The following AGPAT5 variants were observed in gnomAD, a reference collection of about 807,000 sequenced individuals.
AGPAT5 encodes the protein 1-acyl-sn-glycerol-3-phosphate acyltransferase epsilon.
In AGPAT5, 46 loss-of-function variants were observed where a neutral mutation model predicts 45.6. The ratio of observed to expected loss-of-function variants is 1.01; its 90% CI spans 0.80 to 1.29. AGPAT5 has a LOEUF of 1.29. Among genes scored for constraint, AGPAT5 ranks in the 50% most tolerant of loss-of-function variants. The pLI, the probability that AGPAT5 is intolerant of heterozygous loss-of-function variation, is 0.00. For missense variants in AGPAT5, 673 were observed against 450.7 expected (o/e 1.49, Z -4.47); for synonymous variants, 272 against 167.0 (o/e 1.63, Z -4.85).
chr8:6,711,530 G>A (rs1215792305), intron 1 of AGPAT5, among the ~76,000 whole-genome samples: 1 of 152,122 alleles, frequency 6.6e-6, no homozygotes, highest in Admixed American at 6.5e-5. Flanking sequence ...CACGTAATTT[G>A]AGACTATTGA....
chr8:6,723,210 C>G (rs1373339974), intron 1 of AGPAT5, among the ~76,000 whole-genome samples: 1 of 152,156 alleles, frequency 6.6e-6, no homozygotes, highest in Non-Finnish European at 1.5e-5. Context: ...CAGCTTGGTG[C>G]TAGGCTCTTG....
At position 6,747,817 on chromosome 8, in the gene AGPAT5, C is replaced by T. The variant is rs138431163; in HGVS notation, c.734C>T (p.Pro245Leu). 17 of 1,613,768 alleles carry T rather than the reference C, an allele frequency of 1.1e-5. No homozygotes were observed. Among genetic ancestry groups the T allele is most frequent in the African/African-American group, 8.0e-5 (6 of 74,894 alleles). ...KDDGGQRRES[P>L]TMTEFLCKEC... ...GATGGAGGGCAGCGAAGAGAGTCAC[C>T]GACCATGACGGGTAAGTGTGTTCAC... Residue 245 changes from proline (P) to leucine (L), a missense_variant, in exon 6 of 8, where the codon CCG becomes CTG. Physicochemically the swap from Pro to Leu is moderately conservative, Grantham distance 98. Coordinates refer to ENST00000285518, the MANE Select transcript of AGPAT5 (RefSeq NM_018361.5).
intron 6 of AGPAT5, among the ~76,000 whole-genome samples, chr8:6,751,467 A>T (rs906668732): frequency 3.9e-5 from 6 of 152,202 alleles, no homozygotes; most frequent in African/African-American, 1.4e-4. Flanking sequence ...GAGAGCTGGG[A>T]AGCTGTAGAA....
At chr8:6,727,180 G>T (rs993757796) in intron 2 of AGPAT5, among the ~76,000 whole-genome samples, 1 of 152,164 alleles carries the variant, frequency 6.6e-6, no homozygotes, top group East Asian at 1.9e-4. Flanking sequence ...TGCCAGGCTT[G>T]CCGGAATAAA....
intron 5 of AGPAT5, chr8:6,745,712 T>C (rs1397062370): frequency 1.3e-5 from 2 of 151,994 alleles, no homozygotes; most frequent in Non-Finnish European, 2.9e-5. Flanking sequence ...TTATTATTTT[T>C]ACCTTTTTTT....
intron 1 of AGPAT5, 121 bp downstream of exon 1, chr8:6,709,008 GC>G (rs1800041265): frequency 1.1e-6 from 1 of 935,404 alleles, no homozygotes; most frequent in Admixed American, 2.0e-5. Flanking sequence ...AGCACGGAGA[GC>G]ACGTGCCGCC....
At chr8:6,742,806 A>G (rs1769786760) in intron 5 of AGPAT5, among the ~76,000 whole-genome samples, 1 of 152,214 alleles carries the variant, frequency 6.6e-6, no homozygotes, top group Non-Finnish European at 1.5e-5. Flanking sequence ...TTTTAAACAC[A>G]TGTCCTATTA....
intron 5 of AGPAT5, among the ~76,000 whole-genome samples, chr8:6,746,719 C>G (rs956205949): frequency 2.6e-5 from 4 of 152,186 alleles, no homozygotes; most frequent in African/African-American, 9.7e-5. Context: ...GTGGGACAGT[C>G]CCACCATGTA....
At chr8:6,717,164 A>C (rs1053545483) in intron 1 of AGPAT5, among the ~76,000 whole-genome samples, 1 of 152,188 alleles carries the variant, frequency 6.6e-6, no homozygotes, top group Non-Finnish European at 1.5e-5. Flanking sequence ...CAAAACCAGT[A>C]CTTTTTGTAA....
At chr8:6,724,248 T>A (rs1800606486) in intron 1 of AGPAT5, among the ~76,000 whole-genome samples, 1 of 152,176 alleles carries the variant, frequency 6.6e-6, no homozygotes, top group African/African-American at 2.4e-5. Context: ...ACCCTTCTGG[T>A]CTCCTTGCTC....
chr8:6,721,341 G>A (rs964255053), intron 1 of AGPAT5, among the ~76,000 whole-genome samples: 1 of 152,186 alleles, frequency 6.6e-6, no homozygotes, highest in Non-Finnish European at 1.5e-5. Flanking sequence ...GTACTTCTGT[G>A]TAATCAAAGA....
At chr8:6,721,237 T>G (rs1247162078) in intron 1 of AGPAT5, among the ~76,000 whole-genome samples, 1 of 152,226 alleles carries the variant, frequency 6.6e-6, no homozygotes, top group African/African-American at 2.4e-5. Flanking sequence ...GGTAATATAT[T>G]TCGTTGGCAT....
chr8:6,718,082 T>C (rs1800389758), intron 1 of AGPAT5, among the ~76,000 whole-genome samples: 1 of 152,202 alleles, frequency 6.6e-6, no homozygotes, highest in Non-Finnish European at 1.5e-5. Flanking sequence ...AATGAGATAA[T>C]ACGTGAAACT....
intron 1 of AGPAT5, among the ~76,000 whole-genome samples, chr8:6,715,690 G>A (rs1014949030): frequency 7.9e-5 from 12 of 152,106 alleles, no homozygotes; most frequent in African/African-American, 2.9e-4. Flanking sequence ...TACTTTCAAG[G>A]TATTCATCTA....
chr8:6,756,229 C>A (rs565605946), intron 7 of AGPAT5, among the ~76,000 whole-genome samples: 1 of 152,028 alleles, frequency 6.6e-6, no homozygotes, highest in Non-Finnish European at 1.5e-5. Flanking sequence ...CTTTCTAATT[C>A]TGTGGGAATA....
chr8:6,720,818 G>T (rs954603015), intron 1 of AGPAT5, among the ~76,000 whole-genome samples: 3 of 152,218 alleles, frequency 2.0e-5, no homozygotes, highest in Admixed American at 6.5e-5. Flanking sequence ...GGAGTTGGAA[G>T]AACCAGCGTT....
chr8:6,747,603 G>A (rs1801516021), intron 5 of AGPAT5, 67 bp from the exon 6 acceptor site: 4 of 1,371,966 alleles, frequency 2.9e-6, no homozygotes, highest in Non-Finnish European at 4.0e-6. Context: ...AAATAATTTA[G>A]ATGTTAAACA....
rs1801987822 is a variant in AGPAT5 at position 6,760,242 on chromosome 8, A to T, written c.*2854A>T. Among the ~76,000 whole-genome samples the T allele has an allele frequency of 6.6e-6, 1 of 152,118 alleles. No individual in the cohort carries two copies. The highest frequency in any genetic ancestry group is 1.5e-5 in the Non-Finnish European group (1 of 68,032). The stretch of plus-strand genomic sequence containing the variant: ...ACCTGTCTACAAAAAAATTAAAAAA[A>T]ATTAGCCAGGCATGGTGGCGTACAC... On this transcript the variant is annotated 3_prime_UTR_variant, in exon 8 of 8. Transcript: ENST00000285518.
At position 6,757,550 on chromosome 8, in the gene AGPAT5, T is replaced by C; in HGVS notation, c.*162T>C. 4.8e-6 allele frequency: 3 copies of C among 625,062 alleles called. No homozygotes were observed. Among genetic ancestry groups the C allele is most frequent in the Non-Finnish European group, 8.3e-6 (3 of 363,388 alleles). 38.7% of individuals were successfully genotyped at this position (625,062 alleles called of 1,614,324 possible). On this transcript the variant is annotated 3_prime_UTR_variant, in exon 8 of 8. Coordinates refer to ENST00000285518, the MANE Select transcript of AGPAT5 (RefSeq NM_018361.5). ...TGTGACGAAAGCTGATATGCAATGG[T>C]CTTGGGCAAACATACCTGGTTGTAC...
Sources: gnomAD v4.1 joint callset for allele counts (sites outside exome capture counted in the v4.1 genomes callset) on GRCh38, gnomAD v4.1.1 for gene constraint, MANE v1.5 for transcripts, NCBI Gene and HGNC (gene_info 2026-07-23, HGNC 2026-07-21) for gene names.